CHODL: variants seen among roughly 807,000 people sequenced by gnomAD.
CHODL encodes transmembrane protein MT75.
CHODL carries 29 observed loss-of-function variants against 34.5 expected under a neutral mutation model. The ratio of observed to expected loss-of-function variants is 0.84; its 90% confidence interval spans 0.63 to 1.15. The LOEUF (loss-of-function observed/expected upper bound fraction) is 1.15. Among genes scored for constraint, CHODL ranks in the 50% most tolerant of loss-of-function variants. The pLI is 0.00. For synonymous variants in CHODL, 125 were observed against 116.1 expected (o/e 1.08, Z -0.49); for missense variants, 332 against 332.5 (o/e 1.00, Z 0.01).
chr21:18,053,674 G>GT (rs908695771), intron 2 of CHODL, among the ~76,000 whole-genome samples: 2 of 151,892 alleles, frequency 1.3e-5, no homozygotes, highest in East Asian at 1.9e-4. Flanking sequence ...ATTTTGAAAA[G>GT]TTTTTTCTGC....
intron 1 of CHODL, among the ~76,000 whole-genome samples, chr21:18,018,326 T>A (rs1265509052): frequency 6.6e-6 from 1 of 152,118 alleles, no homozygotes; most frequent in Non-Finnish European, 1.5e-5. Context: ...GATATTTGTC[T>A]CTGCTCAAAT....
chr21:18,143,585 ATTTAC>A (rs1333848206), intron 2 of CHODL, among the ~76,000 whole-genome samples: 3 of 152,058 alleles, frequency 2.0e-5, no homozygotes, highest in African/African-American at 4.8e-5. Context: ...ACTTTCGGCA[ATTTAC>A]TTAAACTCTA....
At chr21:18,136,815 TA>T (rs1197768875) in intron 2 of CHODL, among the ~76,000 whole-genome samples, 1 of 148,962 alleles carries the variant, frequency 6.7e-6, no homozygotes, top group Admixed American at 6.7e-5. Context: ...TATCCATATA[TA>T]TATAAATATA....
At chr21:18,133,841 C>T (rs2072687770) in intron 2 of CHODL, among the ~76,000 whole-genome samples, 1 of 152,180 alleles carries the variant, frequency 6.6e-6, no homozygotes, top group Non-Finnish European at 1.5e-5. Flanking sequence ...CTAATAAATT[C>T]TTTTGTCACT....
intron 2 of CHODL, among the ~76,000 whole-genome samples, chr21:18,147,857 G>A (rs1190026928): frequency 6.6e-6 from 1 of 152,242 alleles, no homozygotes; most frequent in East Asian, 1.9e-4. Flanking sequence ...CGTCAGGGAA[G>A]TAGGTTCCTC....
intron 2 of CHODL, among the ~76,000 whole-genome samples, chr21:18,052,050 T>G (rs2064522612): frequency 6.6e-6 from 1 of 151,914 alleles, no homozygotes; most frequent in Non-Finnish European, 1.5e-5. Context: ...ATCCGCCTCT[T>G]TAGAAGTTTG....
chr21:18,256,781 C>T lies in CHODL; in HGVS notation c.352C>T (p.Leu118Phe). 1 of 1,614,044 alleles carries T rather than the reference C, an allele frequency of 6.2e-7. No individual in the cohort carries two copies. The highest frequency in any genetic ancestry group is 8.5e-7 in the Non-Finnish European group (1 of 1,179,940). The change falls in exon 2 of 6, where the codon CTC becomes TTC. Residue 118 changes from leucine to phenylalanine, a missense_variant. Physicochemically the swap from Leu to Phe is conservative, Grantham distance 22. Coordinates refer to ENST00000299295, the MANE Select transcript of CHODL (RefSeq NM_024944.3). ...DGQTSGACPD[L>F]YQWSDGSNSQ... is the part of the protein sequence containing the mutation. Reference sequence around the variant, plus strand: ...GCAAACATCTGGTGCCTGCCCAGATCTCTACCAGTGGTCTGATGGAAGCAA... The same window carrying T: ...GCAAACATCTGGTGCCTGCCCAGATTTCTACCAGTGGTCTGATGGAAGCAA...
At chr21:18,081,365 A>G (rs1222954636) in intron 2 of CHODL, among the ~76,000 whole-genome samples, 1 of 152,144 alleles carries the variant, frequency 6.6e-6, no homozygotes, top group Non-Finnish European at 1.5e-5. Flanking sequence ...GTGAGAACTT[A>G]CAGTACTATG....
chr21:18,135,340 AT>A (rs1040024808), intron 2 of CHODL, among the ~76,000 whole-genome samples: 2 of 152,082 alleles, frequency 1.3e-5, no homozygotes, highest in African/African-American at 4.8e-5. Flanking sequence ...ACTATGAGTT[AT>A]TGATTTTTTT....
rs1568957425 is a variant in CHODL, at chr21:18,251,479, A to ATTTAATATATAAAATAAATATTT, written c.80-5027_80-5026insAATATATAAAATAAATATTTTTT. ...TTTATTTTATTTATTTTAATTATTTATTTTAATATATAAAATAAATATTTA... is the reference window on the plus strand; with the variant it reads ...TTTATTTTATTTATTTTAATTATTTATTTAATATATAAAATAAATATTTTTTTAATATATAAAATAAATATTTA... On this transcript the variant is annotated intron_variant, in intron 1 of 5. Coordinates refer to ENST00000299295, the MANE Select transcript of CHODL (RefSeq NM_024944.3). 4.7e-4 allele frequency among the ~76,000 whole-genome samples: 43 copies of ATTTAATATATAAAATAAATATTT among 91,172 alleles called. 3 individuals carry two copies. Among genetic ancestry groups the ATTTAATATATAAAATAAATATTT allele is most frequent in the African/African-American group, 2.5e-3 (42 of 16,736 alleles). 59.8% of individuals were successfully genotyped at this position (91,172 alleles called of 152,430 possible). A position where few individuals can be genotyped will look rare whatever the true frequency, so the allele number is the denominator to read the frequency against.
intron 2 of CHODL, among the ~76,000 whole-genome samples, chr21:18,175,163 AGG>A: frequency 6.6e-6 from 1 of 152,304 alleles, no homozygotes; most frequent in African/African-American, 2.4e-5. Context: ...TTATGTATTG[AGG>A]CTCTCTAAAT....
chr21:18,011,876 C>G (rs2064022876), intron 1 of CHODL, among the ~76,000 whole-genome samples: 1 of 152,228 alleles, frequency 6.6e-6, no homozygotes, highest in African/African-American at 2.4e-5. Context: ...TTCTGTTCTG[C>G]AAAATCATTC....
chr21:17,941,963 G>T (rs963653857), intron 1 of CHODL, among the ~76,000 whole-genome samples: 1 of 152,032 alleles, frequency 6.6e-6, no homozygotes, highest in African/African-American at 2.4e-5. Flanking sequence ...CATTCATGAC[G>T]CCTTCACTCT....
intron 2 of CHODL, among the ~76,000 whole-genome samples, chr21:18,047,089 G>A (rs527533030): frequency 6.6e-6 from 1 of 151,968 alleles, no homozygotes; most frequent in Admixed American, 6.6e-5. Flanking sequence ...AGAAATGCAA[G>A]AATCAACTTT....
chr21:18,248,669 A>ATAATAT (rs1275781642), intron 1 of CHODL, among the ~76,000 whole-genome samples: 1,011 of 100,638 alleles, frequency 0.01, 21 homozygotes, highest in African/African-American at 0.038. Context: ...ATATATGTAT[A>ATAATAT]ATACATATAT....
upstream of CHODL, among the ~76,000 whole-genome samples, chr21:18,239,930 GAGAA>G (rs987227491): frequency 1.4e-4 from 21 of 151,932 alleles, no homozygotes; most frequent in South Asian, 8.3e-4. Flanking sequence ...AAAAATAGAA[GAGAA>G]AGAAAGAGGG....
chr21:18,235,195 G>T (rs983806692), intron 2 of CHODL, among the ~76,000 whole-genome samples: 1 of 151,972 alleles, frequency 6.6e-6, no homozygotes, highest in African/African-American at 2.4e-5. Context: ...ACAAATGAGG[G>T]ACAAAGAAGC....
chr21:18,161,515 A>T (rs1461870084), intron 2 of CHODL, among the ~76,000 whole-genome samples: 1 of 151,966 alleles, frequency 6.6e-6, no homozygotes, highest in Non-Finnish European at 1.5e-5. Flanking sequence ...TTCACACTTC[A>T]CACCTTCCAC....
At chr21:18,195,501 C>T (rs2073576542) in intron 2 of CHODL, among the ~76,000 whole-genome samples, 1 of 152,210 alleles carries the variant, frequency 6.6e-6, no homozygotes, top group Non-Finnish European at 1.5e-5. Context: ...CGCCATTCTA[C>T]TCCCTGCTTC....
Sources: allele counts gnomAD v4.1 joint callset (sites outside exome capture counted in the v4.1 genomes callset), GRCh38; gene constraint gnomAD v4.1.1; transcripts MANE v1.5; gene names NCBI Gene and HGNC (gene_info 2026-07-23, HGNC 2026-07-21).